MASP2: variants seen among roughly 807,000 people sequenced by gnomAD.
MASP2 encodes the protein MBL associated serine protease 2.
Under a neutral mutation model 57.1 loss-of-function variants are expected in MASP2, and 49 were observed. The ratio of observed to expected loss-of-function variants is 0.86; its 90% CI spans 0.68 to 1.09. The LOEUF is 1.09. Ranked by LOEUF, MASP2 falls within the 50% of genes least tolerant of loss-of-function variation. The probability of loss-of-function intolerance (pLI) is 0.00; values close to 1 mark genes in which losing one functional copy is unlikely to be tolerated. For synonymous variants in MASP2, 379 were observed against 340.8 expected (o/e 1.11, Z -1.24); for missense variants, 900 against 874.8 (o/e 1.03, Z -0.36).
At chr1:11,037,462 TAAGTA>T (rs1444479622) in intron 7 of MASP2, among the ~76,000 whole-genome samples, 10 of 152,250 alleles carry the variant, frequency 6.6e-5, no homozygotes, top group Non-Finnish European at 1.2e-4. Flanking sequence ...AATTTAAAGT[TAAGTA>T]TAAAGAAAGA....
intron 8 of MASP2, among the ~76,000 whole-genome samples, chr1:11,033,531 G>C (rs1426160447): frequency 2.0e-5 from 3 of 151,744 alleles, no homozygotes; most frequent in Non-Finnish European, 4.4e-5. Context: ...TGTAGTCTCA[G>C]CTACTCAGGA....
chr1:11,027,538 C>G lies in MASP2; in HGVS notation c.1408G>C (p.Gly470Arg), dbSNP rs538447621. The change falls in exon 11 of 11, where the codon GGT (glycine) becomes CGT (arginine). Residue 470 changes from glycine to arginine, a missense_variant. Physicochemically the swap from Gly to Arg is moderately radical, Grantham distance 125 (BLOSUM62 -2). Coordinates refer to ENST00000400897, the MANE Select transcript of MASP2 (RefSeq NM_006610.4). ...ACCCAGTTGTCATATAAAAGTGCACCTGCTGCTGTGGTTCCACCTAATATC... is the reference window on the plus strand; with the variant it reads ...ACCCAGTTGTCATATAAAAGTGCACGTGCTGCTGTGGTTCCACCTAATATC... ...VLILGGTTAA[G>R]ALLYDNWVLT... The G allele has an allele frequency of 6.2e-7, 1 of 1,614,136 alleles. No individual in the cohort carries two copies. The highest frequency in any genetic ancestry group is 1.1e-5 in the South Asian group (1 of 91,074).
rs12142107 is a variant in MASP2 at position 11,037,810 on chromosome 1, C to T, written c.891G>A (p.Ala297=). The change falls in exon 7 of 11, where the codon GCG becomes GCA. Residue 297 remains alanine (A), a splice_region_variant and synonymous_variant. Coordinates refer to ENST00000400897, the MANE Select transcript of MASP2 (RefSeq NM_006610.4). ...TGWKIHYTST[A]QPCPYPMAPP... ...GCGCCATCGGATAAGGGCAAGGCTG[C>T]GCTGCGCAGAGGAAACCAGGCTTGT... is the stretch of plus-strand genomic sequence containing the variant. 0.041 allele frequency: 64,783 copies of T among 1,597,970 alleles called. 3,350 individuals carry two copies. The highest frequency in any genetic ancestry group is 0.22 in the African/African-American group (16,083 of 74,414).
intron 4 of MASP2, 141 bp downstream of exon 4, chr1:11,045,267 G>C (rs1399564792): frequency 1.6e-6 from 2 of 1,249,150 alleles, no homozygotes; most frequent in African/African-American, 2.9e-5. Context: ...GCTGAGAAGG[G>C]GAGCTGGAGG....
rs1471657299 is a variant in MASP2 at position 11,039,897 on chromosome 1, TGG to T, written c.890-2088_890-2087del. Among the ~76,000 whole-genome samples, 233 of 108,388 alleles carry T rather than the reference TGG, an allele frequency of 2.1e-3. 3 individuals carry two copies. Among genetic ancestry groups the T allele is most frequent in the African/African-American group, 6.3e-3 (211 of 33,528 alleles). 71.1% of individuals were successfully genotyped at this position (108,388 alleles called of 152,430 possible). On this transcript the variant is annotated intron_variant, in intron 6 of 10. Coordinates refer to ENST00000400897, the MANE Select transcript of MASP2 (RefSeq NM_006610.4). ...ATGGATGGATGGATGGATGGATGGA[TGG>T]ATAGATGGATGGATAGATGGATAGG...
In MASP2 at chr1:11,034,823, C is replaced by G; in HGVS notation, c.1087+5G>C. ...ATGGGGCCTGTAGTCACCACACGAC[C>G]GTACTGCTGCACGCGGGCATTGGCC... On this transcript the variant is annotated splice_donor_5th_base_variant and intron_variant, in intron 8 of 10. Coordinates refer to ENST00000400897, the MANE Select transcript of MASP2 (RefSeq NM_006610.4). 2 of 1,608,758 alleles carry G rather than the reference C, an allele frequency of 1.2e-6. No individual in the cohort carries two copies. The highest frequency in any genetic ancestry group is 1.7e-6 in the Non-Finnish European group (2 of 1,177,388).
At chr1:11,028,354 TATGTAATC>T (rs1355851550) in intron 10 of MASP2, among the ~76,000 whole-genome samples, 1 of 152,214 alleles carries the variant, frequency 6.6e-6, no homozygotes, top group African/African-American at 2.4e-5. Flanking sequence ...AATGGGTATT[TATGTAATC>T]CTAGGAAAGC....
chr1:11,028,313 CT>C (rs1643774976), intron 10 of MASP2, among the ~76,000 whole-genome samples: 2 of 152,096 alleles, frequency 1.3e-5, no homozygotes, highest in South Asian at 4.1e-4. Context: ...AGGATATAAC[CT>C]TTTCATTGTT....
Position 11,046,546 on chromosome 1 carries a change from C to G in MASP2, c.412+10G>C. 4.3e-6 allele frequency: 7 copies of G among 1,613,812 alleles called. No individual in the cohort carries two copies. The highest frequency in any genetic ancestry group is 5.9e-6 in the Non-Finnish European group (7 of 1,180,004). On this transcript the variant is annotated intron_variant, in intron 3 of 10. Transcript: ENST00000400897. The stretch of plus-strand genomic sequence containing the variant: ...CAGACTGAGATGTTGCAGGACCCCT[C>G]TTGGCTCACCCTCGGCTGCATAGAA...
At chr1:11,037,235 C>A (rs779527328) in intron 7 of MASP2, among the ~76,000 whole-genome samples, 1 of 149,434 alleles carries the variant, frequency 6.7e-6, no homozygotes, top group Non-Finnish European at 1.5e-5. Context: ...TTAGTGGAGA[C>A]GGGGCTACTA....
intron 6 of MASP2, among the ~76,000 whole-genome samples, chr1:11,041,774 GTGGA>G (rs1222622894): frequency 4.8e-4 from 1 of 2,084 alleles, no homozygotes; most frequent in African/African-American, 1.6e-3. Context: ...GGAAGAATGG[GTGGA>G]TGGATGGATG....
intron 7 of MASP2, among the ~76,000 whole-genome samples, chr1:11,036,346 T>C (rs1638226254): frequency 6.8e-6 from 1 of 148,074 alleles, no homozygotes; most frequent in South Asian, 2.1e-4. Context: ...CTACTAAAAA[T>C]ACAAAAAATT....
chr1:11,029,536 T>G (rs886204960), intron 10 of MASP2: 8 of 152,110 alleles, frequency 5.3e-5, no homozygotes, highest in African/African-American at 1.4e-4. Context: ...GGGAAATTAT[T>G]TGCTTTGGGT....
chr1:11,045,585 C>A (rs764709765), intron 3 of MASP2, 46 bp from the exon 4 acceptor site: 2 of 1,560,330 alleles, frequency 1.3e-6, no homozygotes, highest in Non-Finnish European at 1.7e-6. Flanking sequence ...GGGAAAGAGG[C>A]GGGATCCAGC....
intron 4 of MASP2, chr1:11,045,005 G>A (rs1460409626): frequency 6.4e-7 from 1 of 1,570,396 alleles, no homozygotes; most frequent in South Asian, 1.1e-5. Context: ...GAGAAACCGA[G>A]TCGGGGGAGG....
In MASP2 at chr1:11,026,601, T is replaced by G. The variant is rs1643735745; in HGVS notation, c.*284A>C. 3.8e-6 allele frequency: 1 copy of G among 262,330 alleles called. No individual in the cohort carries two copies. Among genetic ancestry groups the G allele is most frequent in the African/African-American group, 2.2e-5 (1 of 45,340 alleles). 16.3% of individuals were successfully genotyped at this position (262,330 alleles called of 1,614,324 possible). A position where few individuals can be genotyped will look rare whatever the true frequency, so the allele number is the denominator to read the frequency against. On this transcript the variant is annotated 3_prime_UTR_variant, in exon 11 of 11. Coordinates refer to ENST00000400897, the MANE Select transcript of MASP2 (RefSeq NM_006610.4). The stretch of plus-strand genomic sequence containing the variant: ...GCCAACAGCCAGTATGAAAAGAGAC[T>G]GGCTTTTTAAGGTAATGAAATGTAA...
rs763352822 is a variant in MASP2 at position 11,030,930 on chromosome 1, T to C, written c.1088-48A>G. Reference sequence around the variant, plus strand: ...AGGAATCCATTGATCATTTCAGTGCTAACTTTCCAAAGGTCTGGAGAAGCA... The same window carrying C: ...AGGAATCCATTGATCATTTCAGTGCCAACTTTCCAAAGGTCTGGAGAAGCA... On this transcript the variant is annotated intron_variant, in intron 8 of 10. Coordinates refer to ENST00000400897, the MANE Select transcript of MASP2 (RefSeq NM_006610.4). 8.2e-6 allele frequency: 13 copies of C among 1,588,642 alleles called. No individual in the cohort carries two copies. The Admixed American group carries it at 2.1e-4, about 26-fold the overall frequency.
Position 11,030,235 on chromosome 1 carries a change from TCA to T in MASP2, c.1236_1237del (p.Cys412Ter), listed in dbSNP as rs761591754. 7 of 1,613,346 alleles carry T rather than the reference TCA, an allele frequency of 4.3e-6. No homozygotes were observed. Among genetic ancestry groups the T allele is most frequent in the East Asian group, 2.2e-5 (1 of 44,860 alleles). On this transcript the variant is annotated stop_gained and frameshift_variant, in exon 10 of 11. Coordinates refer to ENST00000400897, the MANE Select transcript of MASP2 (RefSeq NM_006610.4). LOFTEE classifies it high-confidence loss of function. ...GGAGCTCGTCCAGAATCCATCAGCC[TCA>T]CACACATATTTACCTGCAAATCATT... is the stretch of plus-strand genomic sequence containing the variant.
At chr1:11,041,987 T>C (rs1316442409) in intron 6 of MASP2, among the ~76,000 whole-genome samples, 1 of 149,624 alleles carries the variant, frequency 6.7e-6, no homozygotes, top group Non-Finnish European at 1.5e-5. Context: ...GATGAATGGA[T>C]GGATGGGTGC....
Sources: allele counts gnomAD v4.1 joint callset (sites outside exome capture counted in the v4.1 genomes callset), GRCh38; gene constraint gnomAD v4.1.1; transcripts MANE v1.5; gene names NCBI Gene and HGNC (gene_info 2026-07-23, HGNC 2026-07-21).